The following RUNX3 variants were observed in gnomAD, a reference collection of about 807,000 sequenced individuals.
The protein encoded by RUNX3 is RUNX family transcription factor 3, also known as runt-related transcription factor 3.
RUNX3 carries 10 observed loss-of-function variants against 27.7 expected under a neutral mutation model. The observed-to-expected ratio is 0.36, with a 90% CI of 0.22 to 0.61. The LOEUF (loss-of-function observed/expected upper bound fraction) is 0.61. Among genes scored for constraint, RUNX3 ranks in the 20% least tolerant of loss-of-function variants. The pLI is 0.72. For missense variants in RUNX3, 469 were observed against 629.5 expected (o/e 0.75, Z 2.73); for synonymous variants, 270 against 269.2 (o/e 1.00, Z -0.03).
At chr1:24,961,631 G>A (rs1642115321) in intron 2 of RUNX3, 3 of 152,178 alleles carry the variant, frequency 2.0e-5, no homozygotes, top group South Asian at 2.1e-4. Context: ...CATCAGAATC[G>A]CTTTAGGGGA....
intron 1 of RUNX3, chr1:24,929,277 C>G (rs1571324822): frequency 1.6e-6 from 1 of 617,402 alleles, no homozygotes; most frequent in African/African-American, 1.8e-5. Context: ...AGGGCTGTAT[C>G]TGAGCGATCC....
chr1:24,949,455 C>G (rs1161357464), intron 2 of RUNX3, among the ~76,000 whole-genome samples: 1 of 152,170 alleles, frequency 6.6e-6, no homozygotes, highest in Non-Finnish European at 1.5e-5. Flanking sequence ...TGCCCAGCAC[C>G]CACACCAAGG....
intron 2 of RUNX3, among the ~76,000 whole-genome samples, chr1:24,955,253 T>C (rs1440182596): frequency 6.6e-6 from 1 of 151,874 alleles, no homozygotes; most frequent in Non-Finnish European, 1.5e-5. Flanking sequence ...CGCTTAGAGG[T>C]ATCGGGGAGG....
chr1:24,912,831 G>A (rs968574353), intron 3 of RUNX3, among the ~76,000 whole-genome samples: 2 of 151,860 alleles, frequency 1.3e-5, no homozygotes, highest in Non-Finnish European at 2.9e-5. Flanking sequence ...TTCACAGCCA[G>A]CCTGGGTTCG....
intron 3 of RUNX3, among the ~76,000 whole-genome samples, chr1:24,918,329 T>C (rs1484074717): frequency 6.6e-6 from 1 of 152,148 alleles, no homozygotes; most frequent in Non-Finnish European, 1.5e-5. Flanking sequence ...TGCACAGCAT[T>C]AGGTCCTATT....
chr1:24,958,370 G>A (rs868196141), intron 2 of RUNX3, among the ~76,000 whole-genome samples: 15 of 152,358 alleles, frequency 9.8e-5, no homozygotes, highest in South Asian at 2.1e-4. Flanking sequence ...GGCAAGGAAA[G>A]TCAGTTTTCC....
chr1:24,910,639 T>G (rs1213547869), intron 3 of RUNX3, among the ~76,000 whole-genome samples: 2 of 152,176 alleles, frequency 1.3e-5, no homozygotes, highest in Non-Finnish European at 2.9e-5. Flanking sequence ...CAAACAGGTA[T>G]CTGGGAGCCT....
chr1:24,916,179 G>A lies in RUNX3; in HGVS notation c.544+3061C>T, dbSNP rs1328326435. On this transcript the variant is annotated intron_variant, in intron 3 of 4. Transcript: ENST00000308873. The surrounding 1 kb of genome is among the most constrained non-coding windows in gnomAD (Gnocchi z 4.8). Reference sequence around the variant, plus strand: ...GCTCAGATTTCAGAGGGTCGGAGGTGGCAAAACAGGAAAAAAGCCGGGAAA... The same window carrying A: ...GCTCAGATTTCAGAGGGTCGGAGGTAGCAAAACAGGAAAAAAGCCGGGAAA... Among the ~76,000 whole-genome samples, 1 of 152,172 alleles carries A rather than the reference G, an allele frequency of 6.6e-6. No homozygotes were observed. Among genetic ancestry groups the A allele is most frequent in the Non-Finnish European group, 1.5e-5 (1 of 68,036 alleles).
At chr1:24,915,524 T>A (rs1467824677) in intron 3 of RUNX3, among the ~76,000 whole-genome samples, 1 of 152,066 alleles carries the variant, frequency 6.6e-6, no homozygotes, top group Non-Finnish European at 1.5e-5. Flanking sequence ...GTGCTCGGGG[T>A]AACCTTAAAG....
Position 24,902,493 on chromosome 1 carries a change from T to C in RUNX3, c.877A>G (p.Ser293Gly). 6.2e-7 allele frequency: 1 copy of C among 1,600,044 alleles called. No homozygotes were observed. Among genetic ancestry groups the C allele is most frequent in the Non-Finnish European group, 8.5e-7 (1 of 1,169,726 alleles). The change falls in exon 5 of 5, where the codon AGC (serine) becomes GGC (glycine). Residue 293 changes from serine (S) to glycine (G), a missense_variant. Physicochemically the swap from Ser to Gly is moderately conservative, Grantham distance 56. Coordinates refer to ENST00000308873, the MANE Select transcript of RUNX3 (RefSeq NM_004350.3). The surrounding 1 kb of genome is among the most constrained non-coding windows in gnomAD (Gnocchi z 9.2). Reference protein sequence around the residue: ...TPSGTSISSLSVAGMPATSRF... With the variant: ...TPSGTSISSLGVAGMPATSRF... ...CTGGTGGCCGGCATGCCCGCCACGCTGAGGCTGCTGATGCTCGTGCCCGAG... is the reference window on the plus strand; with the variant it reads ...CTGGTGGCCGGCATGCCCGCCACGCCGAGGCTGCTGATGCTCGTGCCCGAG...
intron 2 of RUNX3, among the ~76,000 whole-genome samples, chr1:24,956,197 G>A (rs542736185): frequency 4.6e-5 from 7 of 152,378 alleles, no homozygotes; most frequent in South Asian, 4.1e-4. Flanking sequence ...GGAGCAGGCC[G>A]TTCCCAGGCT....
At position 24,916,392 on chromosome 1, in the gene RUNX3, G is replaced by GC. The variant is rs1557840747; in HGVS notation, c.544+2847dup. Among the ~76,000 whole-genome samples the GC allele has an allele frequency of 6.6e-6, 1 of 151,524 alleles. No individual in the cohort carries two copies. The highest frequency in any genetic ancestry group is 1.5e-5 in the Non-Finnish European group (1 of 68,018). ...TTCCAAGTGGCCCTCACTTCCCGCA[G>GC]CCCCCGGGTCGGAGCCCCCAGGGTG... On this transcript the variant is annotated intron_variant, in intron 3 of 4. Transcript: ENST00000308873. This position sits in a 1 kb window ranked among gnomAD's most constrained non-coding sequence, Gnocchi z 4.8.
chr1:24,902,983 T>C lies in RUNX3; in HGVS notation c.704-317A>G, dbSNP rs567399673. Among the ~76,000 whole-genome samples the C allele has an allele frequency of 6.6e-6, 1 of 152,260 alleles. No homozygotes were observed. Among genetic ancestry groups the C allele is most frequent in the Admixed American group, 6.5e-5 (1 of 15,306 alleles). On this transcript the variant is annotated intron_variant, in intron 4 of 4. Transcript: ENST00000308873. This position sits in a 1 kb window ranked among gnomAD's most constrained non-coding sequence, Gnocchi z 9.2. ...TTCCCAGCCTCGCAGAGGAGAGGCC[T>C]AGGATGCGGTGGTGGGGCTGAGGGC... is the stretch of plus-strand genomic sequence containing the variant.
chr1:24,950,714 C>T (rs1297127910), intron 2 of RUNX3, among the ~76,000 whole-genome samples: 1 of 152,124 alleles, frequency 6.6e-6, no homozygotes, highest in Non-Finnish European at 1.5e-5. Flanking sequence ...AGGGCCATGC[C>T]TGTGTGCCTG....
At chr1:24,955,795 C>G (rs114592125) in intron 2 of RUNX3, among the ~76,000 whole-genome samples, 4 of 152,312 alleles carry the variant, frequency 2.6e-5, no homozygotes, top group African/African-American at 9.6e-5. Flanking sequence ...AGTCTCTCTC[C>G]ACACATCACA....
intron 2 of RUNX3, among the ~76,000 whole-genome samples, chr1:24,947,694 G>A (rs1260490553): frequency 1.3e-5 from 2 of 152,176 alleles, no homozygotes; most frequent in African/African-American, 2.4e-5. Flanking sequence ...GGCCCCTGGG[G>A]ACGCTCCCTG....
intron 2 of RUNX3, among the ~76,000 whole-genome samples, chr1:24,921,492 C>T (rs552820044): frequency 1.9e-4 from 29 of 152,302 alleles, no homozygotes; most frequent in African/African-American, 6.5e-4. Context: ...CACTTGCCCC[C>T]GGAGCCCCAG....
intron 2 of RUNX3, among the ~76,000 whole-genome samples, chr1:24,947,613 C>T (rs1641643834): frequency 6.6e-6 from 1 of 152,182 alleles, no homozygotes; most frequent in South Asian, 2.1e-4. Context: ...CACCCTGCCC[C>T]AGCAGATGGG....
chr1:24,955,076 C>A (rs138812380), intron 2 of RUNX3, among the ~76,000 whole-genome samples: 1 of 152,184 alleles, frequency 6.6e-6, no homozygotes, highest in African/African-American at 2.4e-5. Flanking sequence ...TTCTTCCATA[C>A]CTTTGCCCAT....
Sources: gnomAD v4.1 joint callset for allele counts (sites outside exome capture counted in the v4.1 genomes callset) on GRCh38, gnomAD v4.1.1 for gene constraint, Gnocchi (gnomAD v3.1) non-coding constraint, MANE v1.5 for transcripts, NCBI Gene and HGNC (gene_info 2026-07-23, HGNC 2026-07-21) for gene names.